ZNF554: variants seen among roughly 807,000 people sequenced by gnomAD.
ZNF554 encodes zinc finger protein 554.
ZNF554 carries 15 observed loss-of-function variants against 21.2 expected under a neutral mutation model. The observed-to-expected ratio is 0.71, with a 90% CI of 0.47 to 1.09. The LOEUF is 1.09. Among genes scored for constraint, ZNF554 ranks in the 50% least tolerant of loss-of-function variants. ZNF554 has a pLI of 0.00. For missense variants in ZNF554, 691 were observed against 662.7 expected (o/e 1.04, Z -0.47); for synonymous variants, 258 against 251.4 (o/e 1.03, Z -0.25).
intron 1 of ZNF554, among the ~76,000 whole-genome samples, chr19:2,822,532 CT>C (rs1453287193): frequency 6.6e-6 from 1 of 152,144 alleles, no homozygotes; most frequent in African/African-American, 2.4e-5. Context: ...GTTTTGTAAA[CT>C]TGTTTGCTTC....
At position 2,823,118 on chromosome 19, in the gene ZNF554, A is replaced by G. The variant is rs760380486; in HGVS notation, c.126+6A>G. The G allele has an allele frequency of 6.2e-7, 1 of 1,611,822 alleles. No homozygotes were observed. The highest frequency in any genetic ancestry group is 8.5e-7 in the Non-Finnish European group (1 of 1,178,336). ...ACCTGCCCCGCTGGTCCCAGGTGAG[A>G]TGTCCTCATTCTCCCAAAGGGCACC... On this transcript the variant is annotated splice_donor_region_variant and intron_variant, in intron 2 of 4. Transcript: ENST00000317243.
Position 2,827,673 on chromosome 19 carries a change from G to C in ZNF554, c.183G>C (p.Leu61Phe), listed in dbSNP as rs774574920. Residue 61 changes from leucine (L) to phenylalanine (F), a missense_variant, in exon 3 of 5, where the codon TTG becomes TTC. By Grantham distance (22) the Leu-to-Phe change is conservative (BLOSUM62 0). Transcript: ENST00000317243. Reference protein sequence around the residue: ...SMDFSQEEWELLEPAQKNLYR... With the variant: ...SMDFSQEEWEFLEPAQKNLYR... Reference sequence around the variant, plus strand: ...ACTTCTCCCAGGAGGAGTGGGAGTTGCTGGAGCCTGCTCAGAAGAACCTGT... The same window carrying C: ...ACTTCTCCCAGGAGGAGTGGGAGTTCCTGGAGCCTGCTCAGAAGAACCTGT... The C allele has an allele frequency of 6.2e-7, 1 of 1,613,968 alleles. No individual in the cohort carries two copies. Among genetic ancestry groups the C allele is most frequent in the East Asian group, 2.2e-5 (1 of 44,896 alleles).
chr19:2,833,185 A>G (rs1077654), intron 4 of ZNF554: 31,679 of 153,640 alleles, frequency 0.21, 4,108 homozygotes, highest in East Asian at 0.47. Context: ...TGCCCAGGCT[A>G]CAGTGCAGTG....
rs1180765898 is a variant in ZNF554, at chr19:2,825,000, GTTGTTTT to G, written c.126+1891_126+1897del. Reference sequence around the variant, plus strand: ...TCTCACTGAGCATAACGTGATTGCAGTTGTTTTTTTTTTTTTTTTTTTTTTTTTTTGA... The same window carrying G: ...TCTCACTGAGCATAACGTGATTGCAGTTTTTTTTTTTTTTTTTTTTTTTGA... On this transcript the variant is annotated intron_variant, in intron 2 of 4. Transcript: ENST00000317243. Among the ~76,000 whole-genome samples, 696 of 114,868 alleles carry G rather than the reference GTTGTTTT, an allele frequency of 6.1e-3. 26 individuals are homozygous for G. Among genetic ancestry groups the G allele is most frequent in the Middle Eastern group, 0.022 (5 of 232 alleles). 75.4% of individuals were successfully genotyped at this position (114,868 alleles called of 152,430 possible).
intron 1 of ZNF554, among the ~76,000 whole-genome samples, chr19:2,822,754 G>T (rs2087279857): frequency 6.6e-6 from 1 of 152,162 alleles, no homozygotes; most frequent in Non-Finnish European, 1.5e-5. Context: ...GGTGCCTGTA[G>T]TTCCAGCCAC....
At position 2,820,009 on chromosome 19, in the gene ZNF554, G is replaced by T. The variant is rs562286014; in HGVS notation, c.-63G>T. On this transcript the variant is annotated 5_prime_UTR_variant, in exon 1 of 5. Transcript: ENST00000317243. ...GTCCCAGGGACACGCAGGGGAGGCC[G>T]GCCGGCCTGCACGGGGCGCTCCCGC... 63 of 1,170,048 alleles carry T rather than the reference G, an allele frequency of 5.4e-5. No individual in the cohort carries two copies. In the South Asian group the frequency reaches 2.1e-3, roughly 39 times the overall value. 72.5% of individuals were successfully genotyped at this position (1,170,048 alleles called of 1,614,324 possible). A position where few individuals can be genotyped will look rare whatever the true frequency, so the allele number is the denominator to read the frequency against.
intron 2 of ZNF554, among the ~76,000 whole-genome samples, chr19:2,824,999 AGTTGT>A (rs2087310973): frequency 8.8e-6 from 1 of 113,164 alleles, no homozygotes; most frequent in Admixed American, 1.2e-4. Flanking sequence ...ACGTGATTGC[AGTTGT>A]TTTTTTTTTT....
chr19:2,834,125 T>A lies in ZNF554; in HGVS notation c.890T>A (p.Val297Glu). ...ATTCAACACGGGGGGAAGATGTTTG[T>A]GTATTTGGAAAATGGGCAGTCATTG... ...HFIQHGGKMFVYLENGQSLNH... is the reference protein window; with the variant it reads ...HFIQHGGKMFEYLENGQSLNH... The change falls in exon 5 of 5, where the codon GTG becomes GAG. Residue 297 changes from valine to glutamate, a missense_variant. Val to Glu is a moderately radical substitution (Grantham distance 121). Transcript: ENST00000317243. The A allele has an allele frequency of 6.2e-7, 1 of 1,614,060 alleles. No individual in the cohort carries two copies. Among genetic ancestry groups the A allele is most frequent in the African/African-American group, 1.3e-5 (1 of 75,046 alleles).
Position 2,834,483 on chromosome 19 carries a change from C to T in ZNF554, c.1248C>T (p.Ser416=). ...KPYKCEDCGK[S]FCQSSYLILH... is the part of the protein sequence containing the mutation. ...ATAAATGTGAAGACTGTGGGAAATC[C>T]TTCTGCCAGAGCTCTTACCTGATCT... Residue 416 remains serine (S), a synonymous_variant, in exon 5 of 5, where the codon TCC becomes TCT. Coordinates refer to ENST00000317243, the MANE Select transcript of ZNF554 (RefSeq NM_001102651.2). 2 of 1,614,074 alleles carry T rather than the reference C, an allele frequency of 1.2e-6. No homozygotes were observed. The highest frequency in any genetic ancestry group is 1.7e-6 in the Non-Finnish European group (2 of 1,180,006).
Position 2,832,345 on chromosome 19 carries a change from G to T in ZNF554, c.296G>T (p.Gly99Val). 6.2e-7 allele frequency: 1 copy of T among 1,612,630 alleles called. No individual in the cohort carries two copies. Among genetic ancestry groups the T allele is most frequent in the Non-Finnish European group, 8.5e-7 (1 of 1,179,482 alleles). ...TGTACTGATGTGGGGATTAAAGAGGGTCCACTTTCCCCAGCACAAACCTCA... is the reference window on the plus strand; with the variant it reads ...TGTACTGATGTGGGGATTAAAGAGGTTCCACTTTCCCCAGCACAAACCTCA... ...NQCTDVGIKE[G>V]PLSPAQTSQV... is the part of the protein sequence containing the mutation. The change falls in exon 4 of 5, where the codon GGT becomes GTT. Residue 99 changes from glycine to valine, a missense_variant. Physicochemically the swap from Gly to Val is moderately radical, Grantham distance 109. Coordinates refer to ENST00000317243, the MANE Select transcript of ZNF554 (RefSeq NM_001102651.2).
intron 2 of ZNF554, among the ~76,000 whole-genome samples, chr19:2,826,866 G>A (rs766689142): frequency 2.6e-5 from 4 of 151,976 alleles, no homozygotes; most frequent in East Asian, 1.9e-4. Flanking sequence ...GTTTCACTGC[G>A]TTCGCCAGGA....
At chr19:2,824,916 A>G (rs10432302) in intron 2 of ZNF554, among the ~76,000 whole-genome samples, 7,797 of 149,080 alleles carry the variant, frequency 0.052, 342 homozygotes, top group East Asian at 0.21. Flanking sequence ...GAATCTGACA[A>G]CTCTAGGGAC....
Position 2,834,216 on chromosome 19 carries a change from C to T in ZNF554, c.981C>T (p.His327=). Residue 327 remains histidine (H), a synonymous_variant, in exon 5 of 5, where the codon CAC becomes CAT. Coordinates refer to ENST00000317243, the MANE Select transcript of ZNF554 (RefSeq NM_001102651.2). ...INTAEKPFEC[H]QCGKVFNRRH... ...CGGCAGAGAAACCCTTTGAGTGCCACCAGTGTGGGAAGGTGTTCAACCGGA... is the reference window on the plus strand; with the variant it reads ...CGGCAGAGAAACCCTTTGAGTGCCATCAGTGTGGGAAGGTGTTCAACCGGA... The T allele has an allele frequency of 6.2e-7, 1 of 1,613,996 alleles. No homozygotes were observed. Among genetic ancestry groups the T allele is most frequent in the Middle Eastern group, 1.6e-4 (1 of 6,062 alleles).
chr19:2,823,016 G>A (rs897077844), intron 1 of ZNF554, 24 bp from the exon 2 acceptor site: 12 of 1,609,622 alleles, frequency 7.5e-6, no homozygotes, highest in Non-Finnish European at 1.0e-5. Flanking sequence ...TCTGGTATTC[G>A]CAGCGCCTTT....
chr19:2,834,781 A>G lies in ZNF554; in HGVS notation c.1546A>G (p.Ser516Gly). The G allele has an allele frequency of 6.2e-7, 1 of 1,612,786 alleles. No individual in the cohort carries two copies. The highest frequency in any genetic ancestry group is 8.5e-7 in the Non-Finnish European group (1 of 1,178,990). ...TGTCACACATCAGAAAACTCACAGC[A>G]GCCAGAAAACCTATAAAATCATTGA... is the stretch of plus-strand genomic sequence containing the variant. ...SLVTHQKTHS[S>G]QKTYKIIDCG... The change falls in exon 5 of 5, where the codon AGC becomes GGC. Residue 516 changes from serine (S) to glycine (G), a missense_variant. By Grantham distance (56) the Ser-to-Gly change is moderately conservative (BLOSUM62 0). Coordinates refer to ENST00000317243, the MANE Select transcript of ZNF554 (RefSeq NM_001102651.2).
intron 4 of ZNF554, 70 bp downstream of exon 4, chr19:2,832,564 T>G: frequency 1.9e-5 from 27 of 1,452,524 alleles, no homozygotes; most frequent in Non-Finnish European, 2.4e-5. Flanking sequence ...CAGAGAGCTC[T>G]TCACAAGGCC....
intron 3 of ZNF554, chr19:2,831,593 CTTT>C (rs71179916): frequency 1.1e-4 from 13 of 113,478 alleles, no homozygotes; most frequent in Non-Finnish European, 1.2e-4. Flanking sequence ...TGCACCCGCC[CTTT>C]TTTTTTTTTT....
In ZNF554 at chr19:2,834,248, C is replaced by T; in HGVS notation, c.1013C>T (p.Ser338Phe). ...GGGAAGGTGTTCAACCGGAGGCATT[C>T]TTTGAGCGAACATCAAAGAATTCAC... ...QCGKVFNRRH[S>F]LSEHQRIHTG... The change falls in exon 5 of 5, where the codon TCT (serine) becomes TTT (phenylalanine). Residue 338 changes from serine to phenylalanine, a missense_variant. Physicochemically the swap from Ser to Phe is radical, Grantham distance 155 (BLOSUM62 -2). Coordinates refer to ENST00000317243, the MANE Select transcript of ZNF554 (RefSeq NM_001102651.2). 6.2e-7 allele frequency: 1 copy of T among 1,614,130 alleles called. No individual in the cohort carries two copies. Among genetic ancestry groups the T allele is most frequent in the East Asian group, 2.2e-5 (1 of 44,890 alleles).
intron 3 of ZNF554, among the ~76,000 whole-genome samples, chr19:2,829,737 A>G (rs1163996683): frequency 3.3e-5 from 5 of 152,162 alleles, no homozygotes; most frequent in African/African-American, 9.7e-5. Flanking sequence ...ACCCCTTTTA[A>G]GTGTGCAGTT....
Sources: allele counts gnomAD v4.1 joint callset (sites outside exome capture counted in the v4.1 genomes callset), GRCh38; gene constraint gnomAD v4.1.1; transcripts MANE v1.5; gene names NCBI Gene and HGNC (gene_info 2026-07-23, HGNC 2026-07-21).